ANK3: variants seen among roughly 807,000 people sequenced by gnomAD.
The protein encoded by ANK3 is ankyrin-3.
ANK3 carries 57 observed loss-of-function variants against 370.9 expected under a neutral mutation model. That is an observed-to-expected ratio of 0.15 (90% CI 0.12 to 0.19). ANK3 has a LOEUF of 0.19. Ranked by LOEUF, ANK3 falls within the 10% of genes least tolerant of loss-of-function variation. The probability of loss-of-function intolerance (pLI) is 1.00; values close to 1 mark genes in which losing one functional copy is unlikely to be tolerated. For synonymous variants in ANK3, 1,929 were observed against 1,946.3 expected, an observed-to-expected ratio of 0.99 and a Z score of 0.23; for missense variants, 4,439 against 5,302.1, an observed-to-expected ratio of 0.84 and a Z score of 5.06.
chr10:60,101,931 T>C (rs1383296892), intron 28 of ANK3, among the ~76,000 whole-genome samples: 1 of 151,992 alleles, frequency 6.6e-6, no homozygotes, highest in Non-Finnish European at 1.5e-5. Context: ...TTCACAGGCA[T>C]CATTCATTTG....
chr10:60,520,610 T>A (rs566489427), intron 2 of ANK3, among the ~76,000 whole-genome samples: 2 of 152,134 alleles, frequency 1.3e-5, no homozygotes, highest in Non-Finnish European at 2.9e-5. Context: ...AATCCTTTAA[T>A]TGAACTTTTG....
rs142331094 is a variant in ANK3, at chr10:60,263,922, T to C, written c.612A>G (p.Pro204=). 101 of 1,614,106 alleles carry C rather than the reference T, an allele frequency of 6.3e-5. No individual in the cohort carries two copies. Among genetic ancestry groups the C allele is most frequent in the South Asian group, 9.9e-5 (9 of 91,076 alleles). Reference sequence around the variant, plus strand: ...CTTTTCGGGCCGCGATATGAAGAGCTGGGAGACGCACTTTTCCTTTGGTGT... The same window carrying C: ...CTTTTCGGGCCGCGATATGAAGAGCCGGGAGACGCACTTTTCCTTTGGTGT... The part of the protein sequence containing the change: ...ENDTKGKVRL[P]ALHIAARKDD... Residue 204 remains proline (P), a synonymous_variant, in exon 6 of 44, where the codon CCA becomes CCG. Coordinates refer to ENST00000280772, the MANE Select transcript of ANK3 (RefSeq NM_020987.5).
Position 60,448,262 on chromosome 10 carries a change from C to T in ANK3, c.96+166924G>A, listed in dbSNP as rs374877985. On this transcript the variant is annotated intron_variant, in intron 2 of 43. Transcript: ENST00000373827. ...TGGGAATCGGCAATCAGAGAGACTC[C>T]GAGCACTGAAGAAAAGCCAAAATAA... Among the ~76,000 whole-genome samples the T allele has an allele frequency of 2.4e-4, 36 of 152,236 alleles. No homozygotes were observed. The East Asian group carries it at 3.7e-3, about 15-fold the overall frequency.
At chr10:60,294,964 A>G (rs2042196564) in intron 1 of ANK3, among the ~76,000 whole-genome samples, 1 of 152,200 alleles carries the variant, frequency 6.6e-6, no homozygotes, top group African/African-American at 2.4e-5. Flanking sequence ...AAATGAAACA[A>G]GGAAGAGTGG....
intron 36 of ANK3, among the ~76,000 whole-genome samples, chr10:60,078,407 G>T (rs2084319882): frequency 6.6e-6 from 1 of 152,148 alleles, no homozygotes; most frequent in South Asian, 2.1e-4. Context: ...CGCTGCAAAT[G>T]GAAGGTTTGC....
At position 60,273,482 on chromosome 10, in the gene ANK3, A is replaced by C. The variant is rs914640149; in HGVS notation, c.415-3253T>G. 5.3e-5 allele frequency among the ~76,000 whole-genome samples: 8 copies of C among 152,044 alleles called. No homozygotes were observed. The East Asian group carries it at 1.5e-3, about 29-fold the overall frequency. ...TCATCACCCCAAAAAGAAGCCCTCT[A>C]TACTCCTTAGTGATCACTCCCCATT... On this transcript the variant is annotated intron_variant, in intron 4 of 43. Transcript: ENST00000280772.
At chr10:60,141,144 A>C (rs1021641208) in intron 23 of ANK3, 1 of 447,810 alleles carries the variant, frequency 2.2e-6, no homozygotes, top group South Asian at 9.6e-5. Flanking sequence ...AGTGATTCCC[A>C]TAACTCTCCA....
chr10:60,075,434 G>A lies in ANK3; in HGVS notation c.5447C>T (p.Thr1816Ile). 6.2e-7 allele frequency: 1 copy of A among 1,613,050 alleles called. No individual in the cohort carries two copies. The highest frequency in any genetic ancestry group is 8.5e-7 in the Non-Finnish European group (1 of 1,179,992). ...TACTGGCACTGTTATAATTGATGAAGTTACAGATGAGGTAGTTGCAGATAT... is the reference window on the plus strand; with the variant it reads ...TACTGGCACTGTTATAATTGATGAAATTACAGATGAGGTAGTTGCAGATAT... Reference protein sequence around the residue: ...SSISATTSSVTSSIITVPVYS... With the variant: ...SSISATTSSVISSIITVPVYS... Residue 1816 changes from threonine (T) to isoleucine (I), a missense_variant, in exon 37 of 44, where the codon ACT becomes ATT. Physicochemically the swap from Thr to Ile is moderately conservative, Grantham distance 89 (BLOSUM62 -1). This residue lies in a region of ANK3 where 679 missense variants were observed against 791.0 expected (regional missense o/e 0.86). Coordinates refer to ENST00000280772, the MANE Select transcript of ANK3 (RefSeq NM_020987.5).
chr10:60,217,189 T>C (rs2096953236), intron 8 of ANK3, among the ~76,000 whole-genome samples: 1 of 152,192 alleles, frequency 6.6e-6, no homozygotes. Flanking sequence ...GGTCTATCCA[T>C]ATTGTTAATT....
At chr10:60,546,808 A>G (rs1041614056) in intron 2 of ANK3, among the ~76,000 whole-genome samples, 2 of 152,210 alleles carry the variant, frequency 1.3e-5, no homozygotes, top group Non-Finnish European at 2.9e-5. Flanking sequence ...AAGAAAGTTT[A>G]TAACATCAGG....
rs1169937963 is a variant in ANK3, at chr10:60,027,415, C to T, written c.*2431G>A. ...GGGATACCATGCAGATGCAACCTAG[C>T]CCCATTCTTTATGCAAAGTAGATTA... On this transcript the variant is annotated 3_prime_UTR_variant, in exon 44 of 44. Coordinates refer to ENST00000280772, the MANE Select transcript of ANK3 (RefSeq NM_020987.5). 2 of 151,622 alleles carry T rather than the reference C, an allele frequency of 1.3e-5. No individual in the cohort carries two copies. The highest frequency in any genetic ancestry group is 2.9e-5 in the Non-Finnish European group (2 of 67,972). 9.4% of individuals were successfully genotyped at this position (151,622 alleles called of 1,614,324 possible). A position where few individuals can be genotyped will look rare whatever the true frequency, so the allele number is the denominator to read the frequency against.
intron 9 of ANK3, among the ~76,000 whole-genome samples, chr10:60,212,126 AG>A (rs2096866951): frequency 6.6e-6 from 1 of 152,168 alleles, no homozygotes; most frequent in Non-Finnish European, 1.5e-5. Flanking sequence ...AAGATTTCTC[AG>A]AAAAAATCCA....
chr10:60,048,357 T>A (rs531619748), intron 42 of ANK3, among the ~76,000 whole-genome samples: 2 of 152,326 alleles, frequency 1.3e-5, no homozygotes, highest in Admixed American at 1.3e-4. Context: ...GACAGCCCAA[T>A]GCTGCCCTCT....
intron 1 of ANK3, among the ~76,000 whole-genome samples, chr10:60,365,659 C>G (rs943056666): frequency 2.0e-5 from 3 of 152,174 alleles, no homozygotes; most frequent in Admixed American, 6.5e-5. Flanking sequence ...TTTAGCACTT[C>G]TAAAACAATT....
chr10:60,054,623 T>G (rs1217390587), intron 42 of ANK3, among the ~76,000 whole-genome samples: 1 of 152,212 alleles, frequency 6.6e-6, no homozygotes, highest in African/African-American at 2.4e-5. Context: ...GGAAAGGATG[T>G]GATTACTGAT....
chr10:60,186,377 G>C (rs1134202), intron 17 of ANK3, among the ~76,000 whole-genome samples: 56,456 of 145,466 alleles, frequency 0.39, 12,938 homozygotes, highest in Non-Finnish European at 0.5. Flanking sequence ...AAGAGACAGG[G>C]TCTCACTCTG....
chr10:60,369,622 T>C (rs1387403865), intron 1 of ANK3, among the ~76,000 whole-genome samples: 1 of 152,178 alleles, frequency 6.6e-6, no homozygotes, highest in East Asian at 1.9e-4. Flanking sequence ...TTCTTTACAT[T>C]GGTAAATGTC....
intron 1 of ANK3, among the ~76,000 whole-genome samples, chr10:60,628,303 T>C (rs745491208): frequency 8.5e-5 from 13 of 152,200 alleles, no homozygotes; most frequent in Non-Finnish European, 1.6e-4. Context: ...AGCTACTCTT[T>C]GCTAAAGGTT....
chr10:60,054,239 A>C (rs2078681093), intron 42 of ANK3, among the ~76,000 whole-genome samples: 1 of 152,202 alleles, frequency 6.6e-6, no homozygotes, highest in African/African-American at 2.4e-5. Flanking sequence ...TTCTCTCTAT[A>C]TTTTGTGGGA....
Sources: allele counts gnomAD v4.1 joint callset (sites outside exome capture counted in the v4.1 genomes callset), GRCh38; gene constraint gnomAD v4.1.1; regional missense constraint gnomAD v4.1.1; transcripts MANE v1.5; gene names NCBI Gene and HGNC (gene_info 2026-07-23, HGNC 2026-07-21).